The following SCAF11 variants were observed in gnomAD, a reference collection of about 807,000 sequenced individuals.
SCAF11 encodes the protein SR-related CTD associated factor 11, also known as protein SCAF11.
SCAF11 carries 47 observed loss-of-function variants against 140.5 expected under a neutral mutation model. That is an observed-to-expected ratio of 0.33 (90% CI 0.26 to 0.43). The LOEUF (loss-of-function observed/expected upper bound fraction) is 0.43, where lower values mean the gene tolerates loss of function less well. SCAF11 is among the 20% of genes least tolerant of loss of function. The probability of loss-of-function intolerance (pLI) is 1.00; values close to 1 mark genes in which losing one functional copy is unlikely to be tolerated. For missense variants in SCAF11, 1,645 were observed against 1,705.1 expected, an observed-to-expected ratio of 0.96 and a Z score of 0.62; for synonymous variants, 557 against 579.4, an observed-to-expected ratio of 0.96 and a Z score of 0.55.
intron 4 of SCAF11, among the ~76,000 whole-genome samples, chr12:45,949,140 C>T (rs1379436644): frequency 6.6e-6 from 1 of 152,036 alleles, no homozygotes; most frequent in African/African-American, 2.4e-5. Flanking sequence ...GGGGAATCAA[C>T]CAGTTAAGGA....
intron 1 of SCAF11, among the ~76,000 whole-genome samples, chr12:45,965,347 T>TACA (rs1945920824): frequency 6.6e-6 from 1 of 152,144 alleles, no homozygotes; most frequent in Non-Finnish European, 1.5e-5. Flanking sequence ...GGTGAGCAAC[T>TACA]ACAGTGAAGG....
chr12:45,929,522 G>C (rs1168536723), intron 10 of SCAF11: 1 of 152,066 alleles, frequency 6.6e-6, no homozygotes, highest in Non-Finnish European at 1.5e-5. Flanking sequence ...AATTAATAAA[G>C]ACTCAAACTA....
Position 45,961,684 on chromosome 12 carries a change from A to G in SCAF11, c.219+16T>C, listed in dbSNP as rs897672369. 1 of 1,591,856 alleles carries G rather than the reference A, an allele frequency of 6.3e-7. No homozygotes were observed. The highest frequency in any genetic ancestry group is 8.6e-7 in the Non-Finnish European group (1 of 1,168,952). On this transcript the variant is annotated intron_variant, in intron 3 of 14. Transcript: ENST00000369367. Reference sequence around the variant, plus strand: ...TCATGCTAGGAAATTAAAATACATTAATGTGTCAGACTTACCTCTGCCCAT... The same window carrying G: ...TCATGCTAGGAAATTAAAATACATTGATGTGTCAGACTTACCTCTGCCCAT...
chr12:45,951,739 T>C lies in SCAF11; in HGVS notation c.220-12A>G. 1 of 1,525,936 alleles carries C rather than the reference T, an allele frequency of 6.6e-7. No individual in the cohort carries two copies. Among genetic ancestry groups the C allele is most frequent in the Non-Finnish European group, 9.0e-7 (1 of 1,112,904 alleles). 94.5% of individuals were successfully genotyped at this position (1,525,936 alleles called of 1,614,324 possible). A position where few individuals can be genotyped will look rare whatever the true frequency, so the allele number is the denominator to read the frequency against. ...CATGAAGCCAGTGTCTGAAAAGTGATTAACAAATTATATCTTTACAAATGT... is the reference window on the plus strand; with the variant it reads ...CATGAAGCCAGTGTCTGAAAAGTGACTAACAAATTATATCTTTACAAATGT... On this transcript the variant is annotated splice_polypyrimidine_tract_variant and intron_variant, in intron 3 of 14. Coordinates refer to ENST00000369367, the MANE Select transcript of SCAF11 (RefSeq NM_004719.3).
At chr12:45,961,943 C>A in intron 2 of SCAF11, 86 bp from the exon 3 acceptor site, 1 of 956,688 alleles carries the variant, frequency 1.0e-6, no homozygotes, top group East Asian at 2.8e-5. Context: ...ATTAGATACT[C>A]TAAAGGACCC....
intron 3 of SCAF11, chr12:45,956,287 C>T (rs576802265): frequency 1.4e-5 from 9 of 643,456 alleles, no homozygotes; most frequent in Non-Finnish European, 2.5e-5. Context: ...GTGGGAATCT[C>T]GAACATCTAT....
At chr12:45,966,344 T>C (rs997521756) in intron 1 of SCAF11, among the ~76,000 whole-genome samples, 6 of 152,138 alleles carry the variant, frequency 3.9e-5, no homozygotes, top group Non-Finnish European at 7.4e-5. Flanking sequence ...TGGGATTTTT[T>C]TTTTTTTAGC....
chr12:45,927,949 T>C lies in SCAF11; in HGVS notation c.1752A>G (p.Ile584Met), dbSNP rs115819509. Residue 584 changes from isoleucine to methionine, a missense_variant, in exon 11 of 15, where the codon ATA (isoleucine) becomes ATG (methionine). Ile to Met is a conservative substitution (Grantham distance 10). Coordinates refer to ENST00000369367, the MANE Select transcript of SCAF11 (RefSeq NM_004719.3). ...TAATTTCTACTAGGGAACTCTCTGT[T>C]ATTTTTTCTTCATTAACCACTGACT... ...NVESVVNEEK[I>M]TESSLVEITE... The C allele has an allele frequency of 5.4e-3, 8,665 of 1,613,496 alleles. 320 individuals are homozygous for C. In the South Asian group the frequency reaches 0.067, roughly 13 times the overall value.
Position 45,931,510 on chromosome 12 carries a change from A to C in SCAF11, c.837T>G (p.His279Gln), listed in dbSNP as rs1282413177. The C allele has an allele frequency of 7.1e-7, 1 of 1,399,440 alleles. No homozygotes were observed. The highest frequency in any genetic ancestry group is 9.4e-7 in the Non-Finnish European group (1 of 1,062,008). 86.7% of individuals were successfully genotyped at this position (1,399,440 alleles called of 1,614,324 possible). A position where few individuals can be genotyped will look rare whatever the true frequency, so the allele number is the denominator to read the frequency against. ...AAATGATTTCACAAACTTTACCAAA[A>C]TGTTCGAAAGATATGGTACTTGTTG... Reference protein sequence around the residue: ...IFPTSTISFEHFGTSCKGYAL... With the variant: ...IFPTSTISFEQFGTSCKGYAL... The change falls in exon 10 of 15, where the codon CAT becomes CAG. Residue 279 changes from histidine (H) to glutamine (Q), a missense_variant. Transcript: ENST00000369367.
chr12:45,964,260 A>G, intron 1 of SCAF11, 72 bp from the exon 2 acceptor site: 1 of 727,928 alleles, frequency 1.4e-6, no homozygotes, highest in Non-Finnish European at 2.3e-6. Context: ...AAAAAATCCT[A>G]AACTGTAAGA....
At chr12:45,936,028 A>G (rs888529380) in intron 6 of SCAF11, among the ~76,000 whole-genome samples, 13 of 152,212 alleles carry the variant, frequency 8.5e-5, no homozygotes, top group Non-Finnish European at 1.9e-4. Context: ...AAAATTATGG[A>G]AATACCCACT....
rs370422923 is a variant in SCAF11, at chr12:45,919,586, A to T, written c.*2462T>A. On this transcript the variant is annotated 3_prime_UTR_variant, in exon 15 of 15. Transcript: ENST00000369367. ...ATGCAAAATTAACATAAATTTCTTA[A>T]CTCAAGAATGAGGAATATTAAAGCA... 2.4e-4 allele frequency: 37 copies of T among 152,332 alleles called. No individual in the cohort carries two copies. The highest frequency in any genetic ancestry group is 2.3e-3 in the East Asian group (12 of 5,188). 9.4% of individuals were successfully genotyped at this position (152,332 alleles called of 1,614,324 possible).
intron 1 of SCAF11, among the ~76,000 whole-genome samples, chr12:45,972,931 T>TATATATATAGATATATAG (rs1946128153): frequency 1.3e-5 from 1 of 76,224 alleles, no homozygotes; most frequent in African/African-American, 7.9e-5. Context: ...GATATATAGA[T>TATATATATAGATATATAG]ATATATAGAT....
At chr12:45,954,792 T>C (rs1456780261) in intron 3 of SCAF11, 2 of 146,324 alleles carry the variant, frequency 1.4e-5, no homozygotes, top group Non-Finnish European at 3.0e-5. Flanking sequence ...ACTATGTTGC[T>C]CAGGCTTCAT....
intron 1 of SCAF11, chr12:45,974,126 T>G: frequency 2.1e-6 from 1 of 467,784 alleles, no homozygotes. Context: ...TATATTATAC[T>G]GTAGTCCATG....
At chr12:45,991,095 G>C (rs1174112308), upstream of SCAF11, among the ~76,000 whole-genome samples, 1 of 152,240 alleles carries the variant, frequency 6.6e-6, no homozygotes, top group Non-Finnish European at 1.5e-5. Flanking sequence ...TGGATTGAGT[G>C]TTCACCTGGC....
At chr12:45,963,234 A>G (rs1945866103) in intron 2 of SCAF11, among the ~76,000 whole-genome samples, 1 of 152,236 alleles carries the variant, frequency 6.6e-6, no homozygotes. Flanking sequence ...TAAACACATG[A>G]ACCAACAAAG....
chr12:45,972,575 C>A (rs533671200), intron 1 of SCAF11, among the ~76,000 whole-genome samples: 1 of 135,146 alleles, frequency 7.4e-6, no homozygotes, highest in African/African-American at 2.8e-5. Flanking sequence ...GACAGCAAAA[C>A]CCTGTCTCTT....
intron 1 of SCAF11, among the ~76,000 whole-genome samples, chr12:45,986,617 TAC>T (rs200065536): frequency 0.018 from 2,684 of 152,280 alleles, 35 homozygotes; most frequent in Non-Finnish European, 0.03. Flanking sequence ...AAGATAGTTA[TAC>T]TGCTTGATAT....
Sources: allele counts gnomAD v4.1 joint callset (sites outside exome capture counted in the v4.1 genomes callset), GRCh38; gene constraint gnomAD v4.1.1; transcripts MANE v1.5; gene names NCBI Gene and HGNC (gene_info 2026-07-23, HGNC 2026-07-21).